The following CSMD1 variants were observed in gnomAD, a reference collection of about 807,000 sequenced individuals.
CSMD1 encodes CUB and sushi domain-containing protein 1.
In CSMD1, 213 loss-of-function variants were observed where a neutral mutation model predicts 417.5. The ratio of observed to expected loss-of-function variants is 0.51; its 90% CI spans 0.46 to 0.57. CSMD1 has a LOEUF of 0.57. CSMD1 is among the 20% of genes least tolerant of loss of function. CSMD1 has a pLI of 0.00. For synonymous variants in CSMD1, 2,862 were observed against 1,736.8 expected, an observed-to-expected ratio of 1.65 and a Z score of -16.11; for missense variants, 6,923 against 4,529.7, an observed-to-expected ratio of 1.53 and a Z score of -15.17.
chr8:3,124,093 G>T (rs1249895906), intron 41 of CSMD1, among the ~76,000 whole-genome samples: 2 of 150,852 alleles, frequency 1.3e-5, no homozygotes, highest in Admixed American at 6.6e-5. Context: ...AATTGTTGTT[G>T]TTTTTTTTTC....
intron 25 of CSMD1, among the ~76,000 whole-genome samples, chr8:3,287,377 A>G (rs1214982239): frequency 3.9e-5 from 6 of 152,226 alleles, no homozygotes; most frequent in Admixed American, 2.6e-4. Context: ...CATTGAATCT[A>G]TAAATTACCT....
chr8:3,795,782 T>C lies in CSMD1; in HGVS notation c.819-41740A>G, dbSNP rs1234064280. On this transcript the variant is annotated intron_variant, in intron 5 of 69. Coordinates refer to ENST00000635120, the MANE Select transcript of CSMD1 (RefSeq NM_033225.6). ...TGTACAGCTATAGATACCTATCATG[T>C]ACAGATATAGATATATACCTATCAT... Among the ~76,000 whole-genome samples the C allele has an allele frequency of 2.7e-5, 2 of 72,786 alleles. 1 individual carries two copies. Among genetic ancestry groups the C allele is most frequent in the Non-Finnish European group, 6.0e-5 (2 of 33,424 alleles). 47.8% of individuals were successfully genotyped at this position (72,786 alleles called of 152,430 possible).
At chr8:4,604,589 A>C (rs1800771405) in intron 2 of CSMD1, among the ~76,000 whole-genome samples, 1 of 152,160 alleles carries the variant, frequency 6.6e-6, no homozygotes, top group South Asian at 2.1e-4. Context: ...CAGAATACCT[A>C]GCTTAAAAAT....
chr8:3,707,754 C>T (rs1801254044), intron 7 of CSMD1, among the ~76,000 whole-genome samples: 1 of 152,304 alleles, frequency 6.6e-6, no homozygotes, highest in East Asian at 1.9e-4. Flanking sequence ...AAGGGCCCTT[C>T]TGGCAGAGAA....
rs1471623257 is a variant in CSMD1, at chr8:3,029,409, T to G, written c.7765A>C (p.Ser2589Arg). ...CAGCCTTCTAAGTAGTAACCAGGAC[T>G]GCAGCTCAGCAATACTTGAGCACCG... Reference protein sequence around the residue: ...EYGAQVLLSCSPGYYLEGWRL... With the variant: ...EYGAQVLLSCRPGYYLEGWRL... Residue 2589 changes from serine (S) to arginine (R), a missense_variant, in exon 51 of 70, where the codon AGT (serine) becomes CGT (arginine). Ser to Arg is a moderately radical substitution (Grantham distance 110). Coordinates refer to ENST00000635120, the MANE Select transcript of CSMD1 (RefSeq NM_033225.6). 2 of 1,612,188 alleles carry G rather than the reference T, an allele frequency of 1.2e-6. No homozygotes were observed. The highest frequency in any genetic ancestry group is 1.3e-5 in the African/African-American group (1 of 74,484).
chr8:4,346,688 G>A (rs1020590985), intron 3 of CSMD1, among the ~76,000 whole-genome samples: 4 of 152,124 alleles, frequency 2.6e-5, no homozygotes, highest in Non-Finnish European at 5.9e-5. Context: ...TGCCTCGTAT[G>A]AGTGCTAGTC....
intron 3 of CSMD1, among the ~76,000 whole-genome samples, chr8:4,212,559 T>C (rs1390903313): frequency 6.6e-6 from 1 of 152,004 alleles, no homozygotes. Context: ...TTTTCTAAAA[T>C]AAAGAATAGT....
chr8:4,971,024 A>T (rs1444314009), intron 1 of CSMD1, among the ~76,000 whole-genome samples: 1 of 152,110 alleles, frequency 6.6e-6, no homozygotes, highest in East Asian at 1.9e-4. Flanking sequence ...TAGTTATTCC[A>T]GGGTAAGAAT....
intron 37 of CSMD1, among the ~76,000 whole-genome samples, chr8:3,178,914 T>A (rs1821109981): frequency 6.6e-6 from 1 of 152,012 alleles, no homozygotes; most frequent in Non-Finnish European, 1.5e-5. Context: ...TGTAGTAAGG[T>A]TAATTCTACA....
chr8:4,234,375 G>A (rs992512906), intron 3 of CSMD1, among the ~76,000 whole-genome samples: 1 of 152,080 alleles, frequency 6.6e-6, no homozygotes, highest in Non-Finnish European at 1.5e-5. Context: ...AGTGGAAGAT[G>A]TGTGGCAGCC....
chr8:3,433,584 G>T (rs937728956), intron 12 of CSMD1, among the ~76,000 whole-genome samples: 3 of 152,124 alleles, frequency 2.0e-5, no homozygotes, highest in East Asian at 3.8e-4. Context: ...CCATGCACAC[G>T]TGCCACACTC....
intron 52 of CSMD1, among the ~76,000 whole-genome samples, chr8:3,012,104 T>G (rs187856556): frequency 5.3e-5 from 8 of 152,146 alleles, no homozygotes; most frequent in African/African-American, 1.9e-4. Context: ...AACGCAGGAG[T>G]GATCGTGTTG....
rs1013456839 is a variant in CSMD1 at position 3,788,696 on chromosome 8, G to C, written c.819-34654C>G. Among the ~76,000 whole-genome samples the C allele has an allele frequency of 3.3e-5, 5 of 152,304 alleles. No homozygotes were observed. The East Asian group carries it at 7.7e-4, about 23-fold the overall frequency. On this transcript the variant is annotated intron_variant, in intron 5 of 69. Coordinates refer to ENST00000635120, the MANE Select transcript of CSMD1 (RefSeq NM_033225.6). Reference sequence around the variant, plus strand: ...AAGTACCTCTCCATCTACAGACACAGTTATGAGTCTAAGTAGCCATTCAGA... The same window carrying C: ...AAGTACCTCTCCATCTACAGACACACTTATGAGTCTAAGTAGCCATTCAGA...
intron 7 of CSMD1, among the ~76,000 whole-genome samples, chr8:3,640,273 G>A (rs931332242): frequency 6.6e-6 from 1 of 152,282 alleles, no homozygotes; most frequent in Admixed American, 6.5e-5. Context: ...CTGAGGTAAT[G>A]AGCCTGTTTT....
chr8:4,136,599 C>G (rs1387329498), intron 3 of CSMD1, among the ~76,000 whole-genome samples: 1 of 152,156 alleles, frequency 6.6e-6, no homozygotes, highest in Non-Finnish European at 1.5e-5. Context: ...CAATTCCAGC[C>G]AGCAAGAGAG....
intron 1 of CSMD1, among the ~76,000 whole-genome samples, chr8:4,961,118 G>C (rs935991394): frequency 1.1e-4 from 16 of 152,102 alleles, no homozygotes; most frequent in African/African-American, 3.4e-4. Flanking sequence ...TAAAATCCAA[G>C]TCATTTACTA....
intron 3 of CSMD1, among the ~76,000 whole-genome samples, chr8:4,404,821 G>T (rs906731550): frequency 1.3e-5 from 2 of 152,134 alleles, no homozygotes; most frequent in Non-Finnish European, 2.9e-5. Flanking sequence ...TACACAGTAA[G>T]TGAGGCAATA....
At chr8:3,852,263 T>C (rs1048163154) in intron 5 of CSMD1, among the ~76,000 whole-genome samples, 3 of 152,124 alleles carry the variant, frequency 2.0e-5, no homozygotes, top group Non-Finnish European at 4.4e-5. Context: ...GTAACCATCC[T>C]GTAGGCAGTG....
chr8:3,718,674 C>G (rs1008462897), intron 6 of CSMD1, among the ~76,000 whole-genome samples: 9 of 152,120 alleles, frequency 5.9e-5, no homozygotes, highest in Admixed American at 3.3e-4. Context: ...GTCCACAAAA[C>G]CTTGATGACT....
Sources: gnomAD v4.1 joint callset for allele counts (sites outside exome capture counted in the v4.1 genomes callset) on GRCh38, gnomAD v4.1.1 for gene constraint, MANE v1.5 for transcripts, NCBI Gene and HGNC (gene_info 2026-07-23, HGNC 2026-07-21) for gene names.